Variants in TBC1D19 observed in about 807,000 individuals in gnomAD.
The protein encoded by TBC1D19 is TBC1 domain family member 19.
A neutral mutation model predicts 89.0 loss-of-function variants in TBC1D19; 60 were observed. The ratio of observed to expected loss-of-function variants is 0.67; its 90% CI spans 0.55 to 0.84. TBC1D19 has a LOEUF of 0.84. TBC1D19 is among the 40% of genes least tolerant of loss of function. The probability of loss-of-function intolerance (pLI) is 0.00; values close to 1 mark genes in which losing one functional copy is unlikely to be tolerated. For missense variants in TBC1D19, 500 were observed against 610.8 expected (o/e 0.82, Z 1.91); for synonymous variants, 189 against 199.7 (o/e 0.95, Z 0.45).
At chr4:26,808,039 C>T in the TBC1D19 span, among the ~76,000 whole-genome samples, 1 of 152,318 alleles carries the variant, frequency 6.6e-6, no homozygotes, top group Non-Finnish European at 1.5e-5. Flanking sequence ...TCCAGAGCCC[C>T]GGCTCCCAGC....
chr4:26,816,044 A>G, the TBC1D19 span, among the ~76,000 whole-genome samples: 5 of 152,148 alleles, frequency 3.3e-5, no homozygotes, highest in African/African-American at 1.2e-4. Context: ...CTTTTTTCTA[A>G]GGGCCAGGGA....
chr4:26,672,163 G>T lies in TBC1D19; in HGVS notation c.679G>T (p.Glu227Ter). The T allele has an allele frequency of 8.1e-7, 1 of 1,239,566 alleles. No individual in the cohort carries two copies. Among genetic ancestry groups the T allele is most frequent in the South Asian group, 1.3e-5 (1 of 76,518 alleles). The allele number at this position is 1,239,566 out of a possible 1,614,324, so 76.8% of individuals were successfully genotyped here. A position where few individuals can be genotyped will look rare whatever the true frequency, so the allele number is the denominator to read the frequency against. Residue 227 changes from glutamate (E) to a stop codon, truncating the protein, a stop_gained, in exon 10 of 21, where the codon GAA becomes TAA. Coordinates refer to ENST00000264866, the MANE Select transcript of TBC1D19 (RefSeq NM_018317.4). LOFTEE classifies it high-confidence loss of function. The part of the protein sequence containing the change: ...TQVPPELFEN[E>*]HVRIGQKVLA... ...TTAATTTTTAGAACTTTTTGAAAAT[G>T]AACATGTACGTATTGGGCAAAAAGG...
intron 19 of TBC1D19, among the ~76,000 whole-genome samples, 197 bp from the exon 20 acceptor site, chr4:26,753,623 T>G (rs1039577380): frequency 2.0e-5 from 3 of 152,246 alleles, no homozygotes; most frequent in Admixed American, 1.3e-4. Flanking sequence ...TCAGTTTGTC[T>G]GGCCATCAGG....
chr4:26,648,776 C>T (rs572725298), intron 7 of TBC1D19, among the ~76,000 whole-genome samples: 18 of 152,152 alleles, frequency 1.2e-4, no homozygotes, highest in African/African-American at 3.6e-4. Context: ...AAAGTTTCTC[C>T]CAAACTCTTC....
rs1314626650 is a variant in TBC1D19, at chr4:26,620,702, C to A, written c.294+14C>A. The A allele has an allele frequency of 1.2e-6, 2 of 1,610,470 alleles. No individual in the cohort carries two copies. Among genetic ancestry groups the A allele is most frequent in the Non-Finnish European group, 1.7e-6 (2 of 1,178,014 alleles). ...AGGAAAGCACAGGTTGGCTATTGTT[C>A]AATTTCATTTTATTTTTTCATGCCA... On this transcript the variant is annotated intron_variant, in intron 4 of 20. Coordinates refer to ENST00000264866, the MANE Select transcript of TBC1D19 (RefSeq NM_018317.4).
In TBC1D19 at chr4:26,638,762, CT is replaced by C; in HGVS notation, c.370-5del. Reference sequence around the variant, plus strand: ...GAAATGAAACCAGTTTCAAAATTACCTTTTCCAGAGGCCAGTTGGAGAACAG... The same window carrying C: ...GAAATGAAACCAGTTTCAAAATTACCTTTCCAGAGGCCAGTTGGAGAACAG... On this transcript the variant is annotated splice_region_variant and splice_polypyrimidine_tract_variant and intron_variant, in intron 5 of 20. Transcript: ENST00000264866. The C allele has an allele frequency of 6.2e-7, 1 of 1,600,876 alleles. No homozygotes were observed.
the TBC1D19 span, among the ~76,000 whole-genome samples, chr4:26,804,677 G>A: frequency 1.5e-4 from 23 of 152,214 alleles, no homozygotes; most frequent in African/African-American, 5.1e-4. Flanking sequence ...GGGAGCAGCC[G>A]CGGAGGCGGC....
chr4:26,742,463 A>C, intron 17 of TBC1D19, 45 bp from the exon 18 acceptor site: 1 of 1,439,582 alleles, frequency 6.9e-7, no homozygotes, highest in Non-Finnish European at 9.4e-7. Flanking sequence ...TTAATTTTTA[A>C]ATATTAAAAT....
upstream of TBC1D19, among the ~76,000 whole-genome samples, chr4:26,582,122 G>T (rs1395487067): frequency 2.0e-5 from 3 of 151,988 alleles, no homozygotes; most frequent in African/African-American, 4.8e-5. Context: ...CACATATGTT[G>T]CTATGTTTAT....
chr4:26,618,054 T>C lies in TBC1D19; in HGVS notation c.219-2559T>C, dbSNP rs533600124. Among the ~76,000 whole-genome samples the C allele has an allele frequency of 1.4e-3, 212 of 152,310 alleles. 1 individual carries two copies. Among genetic ancestry groups the C allele is most frequent in the South Asian group, 6.8e-3 (33 of 4,818 alleles). On this transcript the variant is annotated intron_variant, in intron 3 of 20. Transcript: ENST00000264866. Reference sequence around the variant, plus strand: ...TGCTCAAGCAGTAGACCTGGGTACCTCTGAAACGTCCTAAACATACAGTTC... The same window carrying C: ...TGCTCAAGCAGTAGACCTGGGTACCCCTGAAACGTCCTAAACATACAGTTC...
the TBC1D19 span, among the ~76,000 whole-genome samples, chr4:26,833,472 C>T: frequency 6.6e-6 from 1 of 152,214 alleles, no homozygotes; most frequent in Admixed American, 6.5e-5. Flanking sequence ...GGCCACTCCC[C>T]AGCCCTTGGC....
intron 7 of TBC1D19, among the ~76,000 whole-genome samples, chr4:26,656,637 T>C (rs9942220): frequency 0.013 from 1,949 of 151,992 alleles, 28 homozygotes; most frequent in African/African-American, 0.042. Flanking sequence ...TGGCTCACTG[T>C]AACCTCCCCC....
chr4:26,666,262 C>A, intron 8 of TBC1D19, 71 bp from the exon 9 acceptor site: 2 of 1,252,808 alleles, frequency 1.6e-6, no homozygotes, highest in East Asian at 2.3e-5. Flanking sequence ...AATGTTAAGG[C>A]AAAGGTGATC....
At chr4:26,855,517 C>G in the TBC1D19 span, among the ~76,000 whole-genome samples, 1 of 152,162 alleles carries the variant, frequency 6.6e-6, no homozygotes, top group South Asian at 2.1e-4. Context: ...AGTTCCTCAC[C>G]TTACGAAGGG....
In TBC1D19 at chr4:26,756,050, A is replaced by T. The variant is rs1255080848; in HGVS notation, c.*1103A>T. The stretch of plus-strand genomic sequence containing the variant: ...ACTAAAACTGTAAATCAGTAGATTG[A>T]TACGCTTATTGATTGCCTAGAATTT... On this transcript the variant is annotated 3_prime_UTR_variant, in exon 21 of 21. Transcript: ENST00000264866. Among the ~76,000 whole-genome samples the T allele has an allele frequency of 1.3e-5, 2 of 152,250 alleles. No homozygotes were observed. The highest frequency in any genetic ancestry group is 2.9e-5 in the Non-Finnish European group (2 of 68,034).
chr4:26,787,817 G>A, the TBC1D19 span, among the ~76,000 whole-genome samples: 1 of 152,250 alleles, frequency 6.6e-6, no homozygotes, highest in African/African-American at 2.4e-5. Flanking sequence ...GGAAGCTCCT[G>A]GCTTCTTACA....
intron 11 of TBC1D19, among the ~76,000 whole-genome samples, chr4:26,680,772 G>A (rs1336078418): frequency 6.6e-6 from 1 of 152,016 alleles, no homozygotes; most frequent in African/African-American, 2.4e-5. Flanking sequence ...AATATTCTTG[G>A]TCTTAACTTT....
At chr4:26,651,197 G>A (rs547076962) in intron 7 of TBC1D19, among the ~76,000 whole-genome samples, 5 of 152,190 alleles carry the variant, frequency 3.3e-5, no homozygotes, top group East Asian at 1.9e-4. Context: ...TTGGCACTGC[G>A]GGCTCTTTTT....
chr4:26,585,149 G>T, intron 1 of TBC1D19: 1 of 439,888 alleles, frequency 2.3e-6, no homozygotes, highest in Admixed American at 2.5e-5. Context: ...TTTTTTCTTG[G>T]ATAAATACCT....
Sources: allele counts gnomAD v4.1 joint callset (sites outside exome capture counted in the v4.1 genomes callset), GRCh38; gene constraint gnomAD v4.1.1; transcripts MANE v1.5; gene names NCBI Gene and HGNC (gene_info 2026-07-23, HGNC 2026-07-21).